Variants in OSBPL10 observed in about 807,000 individuals in gnomAD.
OSBPL10 encodes oxysterol-binding protein-related protein 10.
OSBPL10 carries 49 observed loss-of-function variants against 81.7 expected under a neutral mutation model. That is an observed-to-expected ratio of 0.60 (90% CI 0.48 to 0.76). The LOEUF (loss-of-function observed/expected upper bound fraction) is 0.76. Ranked by LOEUF, OSBPL10 falls within the 30% of genes least tolerant of loss-of-function variation. The probability of loss-of-function intolerance (pLI) is 0.00; values close to 1 mark genes in which losing one functional copy is unlikely to be tolerated. For synonymous variants in OSBPL10, 419 were observed against 383.6 expected, an observed-to-expected ratio of 1.09 and a Z score of -1.08; for missense variants, 923 against 987.8, an observed-to-expected ratio of 0.93 and a Z score of 0.88.
At position 31,912,999 on chromosome 3, in the gene OSBPL10, T is replaced by A. The variant is rs567814632; in HGVS notation, c.282-33169A>T. Among the ~76,000 whole-genome samples, 28 of 152,320 alleles carry A rather than the reference T, an allele frequency of 1.8e-4. No individual in the cohort carries two copies. The South Asian group carries it at 5.4e-3, about 29-fold the overall frequency. On this transcript the variant is annotated intron_variant, in intron 1 of 11. Coordinates refer to ENST00000396556, the MANE Select transcript of OSBPL10 (RefSeq NM_017784.5). ...AGCTTAGAGATCTTATTTGTGTTTG[T>A]ACATACACACACACATATACCCACA...
At chr3:32,036,143 G>A (rs1189892022) in intron 2 of OSBPL10, among the ~76,000 whole-genome samples, 2 of 152,178 alleles carry the variant, frequency 1.3e-5, no homozygotes, top group Non-Finnish European at 2.9e-5. Flanking sequence ...CATCTCCTGG[G>A]CTCAAGCAAT....
intron 4 of OSBPL10, among the ~76,000 whole-genome samples, chr3:31,770,853 C>G (rs555186561): frequency 6.6e-6 from 1 of 152,172 alleles, no homozygotes; most frequent in East Asian, 1.9e-4. Context: ...TAATAAAATA[C>G]GAGAAAATAC....
intron 5 of OSBPL10, among the ~76,000 whole-genome samples, chr3:31,736,325 CA>C (rs150569163): frequency 6.6e-6 from 1 of 151,602 alleles, no homozygotes; most frequent in Non-Finnish European, 1.5e-5. Flanking sequence ...TTCTTAATGG[CA>C]AAAAAAGCAT....
At chr3:31,887,751 C>G (rs1695777050) in intron 1 of OSBPL10, among the ~76,000 whole-genome samples, 1 of 152,192 alleles carries the variant, frequency 6.6e-6, no homozygotes, top group South Asian at 2.1e-4. Context: ...CAAAACCTTA[C>G]AACAGGTTCC....
chr3:31,990,236 T>C (rs187560391), intron 2 of OSBPL10: 3 of 1,614,018 alleles, frequency 1.9e-6, no homozygotes, highest in Middle Eastern at 1.7e-4. Flanking sequence ...TCAACACTTA[T>C]TCACCATCAA....
At chr3:32,020,579 A>T (rs947767831) in intron 2 of OSBPL10, among the ~76,000 whole-genome samples, 1 of 152,210 alleles carries the variant, frequency 6.6e-6, no homozygotes, top group Non-Finnish European at 1.5e-5. Flanking sequence ...GTTTTCAAAT[A>T]ATGCTGCTAT....
chr3:31,768,139 A>G (rs1698258137), intron 4 of OSBPL10, among the ~76,000 whole-genome samples: 1 of 152,186 alleles, frequency 6.6e-6, no homozygotes, highest in Admixed American at 6.5e-5. Context: ...TAGTTTCCAG[A>G]CATTGCCATG....
chr3:31,963,038 G>GT (rs1203059182), intron 1 of OSBPL10, among the ~76,000 whole-genome samples: 3 of 152,082 alleles, frequency 2.0e-5, no homozygotes, highest in African/African-American at 4.8e-5. Flanking sequence ...CTTGTTTTCT[G>GT]TTTTTTTAAA....
intron 4 of OSBPL10, among the ~76,000 whole-genome samples, chr3:31,761,455 G>C (rs1698037698): frequency 7.0e-6 from 1 of 143,338 alleles, no homozygotes; most frequent in Admixed American, 7.1e-5. Flanking sequence ...CTGGGCAACA[G>C]AGTGAGACTC....
At chr3:32,014,996 A>G (rs552151551) in intron 2 of OSBPL10, among the ~76,000 whole-genome samples, 13 of 152,356 alleles carry the variant, frequency 8.5e-5, no homozygotes, top group South Asian at 4.1e-4. Flanking sequence ...GGAAGAATCA[A>G]TATCGTGAAA....
intron 2 of OSBPL10, among the ~76,000 whole-genome samples, chr3:32,006,611 C>A (rs113117485): frequency 6.6e-6 from 1 of 152,220 alleles, no homozygotes; most frequent in Non-Finnish European, 1.5e-5. Flanking sequence ...CTTGGTTGAT[C>A]TGAAATTTAC....
At chr3:31,808,203 C>T (rs1575557992) in intron 4 of OSBPL10, among the ~76,000 whole-genome samples, 1 of 152,264 alleles carries the variant, frequency 6.6e-6, no homozygotes, top group Middle Eastern at 3.4e-3. Flanking sequence ...TTACTCCTGT[C>T]ATCCCAGCAG....
intron 1 of OSBPL10, among the ~76,000 whole-genome samples, chr3:31,948,661 C>T (rs918918377): frequency 6.6e-6 from 1 of 152,204 alleles, no homozygotes; most frequent in African/African-American, 2.4e-5. Context: ...GCATTCAATG[C>T]ACCCCAGGAG....
Position 31,937,120 on chromosome 3 carries a change from T to C in OSBPL10, c.281+43779A>G, listed in dbSNP as rs1359407109. On this transcript the variant is annotated intron_variant, in intron 1 of 11. Transcript: ENST00000396556. ...CAACATGGTGAAACCCTGTCTCTACTAAAAAGTACAAAAATTAGCTGGGCA... is the reference window on the plus strand; with the variant it reads ...CAACATGGTGAAACCCTGTCTCTACCAAAAAGTACAAAAATTAGCTGGGCA... 2.6e-5 allele frequency among the ~76,000 whole-genome samples: 4 copies of C among 151,892 alleles called. No individual in the cohort carries two copies. In the South Asian group the frequency reaches 6.2e-4, roughly 24 times the overall value.
At chr3:31,883,694 G>A (rs1421514176) in intron 1 of OSBPL10, among the ~76,000 whole-genome samples, 4 of 151,958 alleles carry the variant, frequency 2.6e-5, no homozygotes, top group Admixed American at 2.6e-4. Context: ...ACTATGCCCA[G>A]CTAATTTTTG....
At chr3:31,945,962 G>A (rs1697690796) in intron 1 of OSBPL10, among the ~76,000 whole-genome samples, 3 of 151,498 alleles carry the variant, frequency 2.0e-5, no homozygotes, top group Admixed American at 6.6e-5. Flanking sequence ...TGAATCAACA[G>A]ACACTACTAA....
At chr3:32,048,071 G>A (rs1397250361) in intron 1 of OSBPL10, among the ~76,000 whole-genome samples, 3 of 152,010 alleles carry the variant, frequency 2.0e-5, no homozygotes, top group African/African-American at 7.2e-5. Context: ...GCAAACCTGA[G>A]GCTTATTTTA....
At chr3:31,794,111 C>T (rs375227715) in intron 4 of OSBPL10, among the ~76,000 whole-genome samples, 1 of 152,302 alleles carries the variant, frequency 6.6e-6, no homozygotes, top group East Asian at 1.9e-4. Context: ...CTCGTGATGG[C>T]ACCTGCAGCT....
chr3:31,668,416 G>C (rs149639267), intron 10 of OSBPL10, among the ~76,000 whole-genome samples: 3 of 152,314 alleles, frequency 2.0e-5, no homozygotes, highest in African/African-American at 4.8e-5. Context: ...AGTGAAGTCT[G>C]TCCTCACACC....
Sources: allele counts gnomAD v4.1 joint callset (sites outside exome capture counted in the v4.1 genomes callset), GRCh38; gene constraint gnomAD v4.1.1; transcripts MANE v1.5; gene names NCBI Gene and HGNC (gene_info 2026-07-23, HGNC 2026-07-21).